The following TENM4 variants were observed in gnomAD, a reference collection of about 807,000 sequenced individuals.
TENM4 encodes the protein teneurin-4.
In TENM4, 82 loss-of-function variants were observed where a neutral mutation model predicts 243.3. The ratio of observed to expected loss-of-function variants is 0.34; its 90% CI spans 0.28 to 0.40. The LOEUF (loss-of-function observed/expected upper bound fraction) is 0.40, where lower values mean the gene tolerates loss of function less well. Ranked by LOEUF, TENM4 falls within the 10% of genes least tolerant of loss-of-function variation. TENM4 has a pLI of 1.00. For missense variants in TENM4, 3,138 were observed against 3,673.3 expected, an observed-to-expected ratio of 0.85 and a Z score of 3.77; for synonymous variants, 1,412 against 1,456.3, an observed-to-expected ratio of 0.97 and a Z score of 0.69.
intron 27 of TENM4, among the ~76,000 whole-genome samples, chr11:78,705,270 G>C (rs894077169): frequency 6.6e-6 from 1 of 152,216 alleles, no homozygotes; most frequent in Non-Finnish European, 1.5e-5. Context: ...AGACTAGGGG[G>C]AGACAGAGTC....
At chr11:78,758,861 G>A (rs1301693023) in intron 18 of TENM4, among the ~76,000 whole-genome samples, 1 of 152,170 alleles carries the variant, frequency 6.6e-6, no homozygotes, top group African/African-American at 2.4e-5. Flanking sequence ...ACTAGTGTGT[G>A]ACTTTGGGCA....
rs775924257 is a variant in TENM4, at chr11:78,669,259, G to A, written c.7086C>T (p.Asn2362=). ...SGDEFYIACD[N]IGTPLAVFSG... ...TAAAGACAGCAAGAGGGGTCCCGAT[G>A]TTGTCACAAGCTATGTAAAACTCAT... is the stretch of plus-strand genomic sequence containing the variant. The change falls in exon 32 of 34, where the codon AAC becomes AAT. Residue 2362 remains asparagine, a synonymous_variant. Transcript: ENST00000278550. This position sits in a 1 kb window ranked among gnomAD's most constrained non-coding sequence, Gnocchi z 6.4. The A allele has an allele frequency of 3.0e-5, 48 of 1,613,926 alleles. 1 individual carries two copies. The East Asian group carries it at 9.6e-4, about 32-fold the overall frequency.
At chr11:79,416,331 T>C (rs1858813173) in intron 1 of TENM4, among the ~76,000 whole-genome samples, 1 of 152,312 alleles carries the variant, frequency 6.6e-6, no homozygotes, top group African/African-American at 2.4e-5. Flanking sequence ...TTCTCTGAAG[T>C]AGTAGTCTCC....
chr11:78,982,854 G>A lies in TENM4; in HGVS notation c.494-79331C>T, dbSNP rs925391746. On this transcript the variant is annotated intron_variant, in intron 6 of 33. Transcript: ENST00000278550. ...AACTTGTTATTCTCTGAGATGCTCT[G>A]GCAAAGTCTCTGAGCTCAGCCTTTT... is the stretch of plus-strand genomic sequence containing the variant. 2.6e-5 allele frequency among the ~76,000 whole-genome samples: 4 copies of A among 152,268 alleles called. No individual in the cohort carries two copies. The South Asian group carries it at 6.2e-4, about 24-fold the overall frequency.
At chr11:78,688,696 G>A (rs2135724593) in intron 28 of TENM4, among the ~76,000 whole-genome samples, 1 of 152,250 alleles carries the variant, frequency 6.6e-6, no homozygotes, top group South Asian at 2.1e-4. Flanking sequence ...ACTAGAAATG[G>A]GAGCTATTAC....
chr11:78,793,336 C>T (rs1857097182), intron 15 of TENM4, among the ~76,000 whole-genome samples: 1 of 152,182 alleles, frequency 6.6e-6, no homozygotes. Flanking sequence ...GAAGCTGTTT[C>T]TAAAATTCCA....
intron 2 of TENM4, among the ~76,000 whole-genome samples, chr11:79,290,777 G>A (rs1322116374): frequency 1.3e-5 from 2 of 152,126 alleles, no homozygotes; most frequent in East Asian, 1.9e-4. Context: ...CTTATTCTGT[G>A]TTCCCTCATC....
At chr11:79,308,239 TC>T (rs1856659633) in intron 1 of TENM4, among the ~76,000 whole-genome samples, 1 of 152,164 alleles carries the variant, frequency 6.6e-6, no homozygotes, top group African/African-American at 2.4e-5. Flanking sequence ...ACAAACCCTT[TC>T]TCAGAGAAAT....
intron 29 of TENM4, among the ~76,000 whole-genome samples, chr11:78,684,651 C>CT (rs1858620818): frequency 6.6e-6 from 1 of 152,180 alleles, no homozygotes; most frequent in African/African-American, 2.4e-5. Context: ...TCTATAGAGC[C>CT]TGTTTGCCTG....
At chr11:79,383,995 GC>G (rs969474611) in intron 1 of TENM4, among the ~76,000 whole-genome samples, 2 of 151,894 alleles carry the variant, frequency 1.3e-5, no homozygotes, top group Admixed American at 6.6e-5. Context: ...AAGATAACCT[GC>G]CCCCCCTTCC....
chr11:79,216,884 G>A (rs563233566), intron 2 of TENM4, among the ~76,000 whole-genome samples: 9 of 152,226 alleles, frequency 5.9e-5, no homozygotes, highest in South Asian at 2.1e-4. Flanking sequence ...GGAATGGGTC[G>A]ATCTTCCTGT....
chr11:78,812,886 TTAGAG>T (rs1857528734), intron 13 of TENM4, among the ~76,000 whole-genome samples: 1 of 152,222 alleles, frequency 6.6e-6, no homozygotes. Context: ...ATTCTGCCTC[TTAGAG>T]TAAAGGATTT....
intron 11 of TENM4, 104 bp from the exon 12 acceptor site, chr11:78,854,418 G>A (rs537784340): frequency 1.5e-5 from 16 of 1,075,596 alleles, no homozygotes; most frequent in Non-Finnish European, 1.9e-5. Context: ...CACAAATAGA[G>A]GCAAAAAGGG....
intron 6 of TENM4, among the ~76,000 whole-genome samples, chr11:79,025,376 C>T (rs776006403): frequency 6.6e-5 from 10 of 152,168 alleles, no homozygotes; most frequent in African/African-American, 1.9e-4. Flanking sequence ...GACGGTTCTG[C>T]GCTTTTTAAT....
chr11:79,375,050 T>G lies in TENM4; in HGVS notation c.-321+65459A>C, dbSNP rs763304711. On this transcript the variant is annotated intron_variant, in intron 1 of 33. Coordinates refer to ENST00000278550, the MANE Select transcript of TENM4 (RefSeq NM_001098816.3). The stretch of plus-strand genomic sequence containing the variant: ...AATGAGAGAGAGGGATTTCAAATAT[T>G]TTCTTTGTCCAGCCCATAATAAGGA... Among the ~76,000 whole-genome samples the G allele has an allele frequency of 6.8e-4, 103 of 152,340 alleles. 2 individuals carry two copies. Among genetic ancestry groups the G allele is most frequent in the Non-Finnish European group, 5.1e-4 (35 of 68,018 alleles).
At chr11:78,854,578 T>C (rs965278017) in intron 11 of TENM4, among the ~76,000 whole-genome samples, 1 of 104,678 alleles carries the variant, frequency 9.6e-6, no homozygotes, top group African/African-American at 6.0e-5. Context: ...TAGTTCTTTT[T>C]GTACTGGTGG....
chr11:79,008,803 A>G (rs562809255), intron 6 of TENM4, among the ~76,000 whole-genome samples: 1 of 152,300 alleles, frequency 6.6e-6, no homozygotes, highest in Non-Finnish European at 1.5e-5. Flanking sequence ...CAAGGGATGG[A>G]CATATTTTAA....
At chr11:78,793,048 C>T (rs979336926) in intron 15 of TENM4, among the ~76,000 whole-genome samples, 17 of 152,150 alleles carry the variant, frequency 1.1e-4, no homozygotes, top group African/African-American at 3.9e-4. Flanking sequence ...GCCCCAGGCT[C>T]GTCTCATTAG....
intron 6 of TENM4, among the ~76,000 whole-genome samples, chr11:78,946,324 G>A (rs937121298): frequency 6.6e-6 from 1 of 152,226 alleles, no homozygotes; most frequent in Non-Finnish European, 1.5e-5. Context: ...TAATGACAAA[G>A]ACTGGATGAT....
Sources: gnomAD v4.1 joint callset for allele counts (sites outside exome capture counted in the v4.1 genomes callset) on GRCh38, gnomAD v4.1.1 for gene constraint, Gnocchi (gnomAD v3.1) non-coding constraint, MANE v1.5 for transcripts, NCBI Gene and HGNC (gene_info 2026-07-23, HGNC 2026-07-21) for gene names.